Variants in STK32B observed in about 807,000 individuals in gnomAD.
STK32B encodes the protein serine/threonine-protein kinase 32B.
Under a neutral mutation model 52.6 loss-of-function variants are expected in STK32B, and 43 were observed. That is an observed-to-expected ratio of 0.82 (90% CI 0.64 to 1.05). The LOEUF (loss-of-function observed/expected upper bound fraction) is 1.05, where lower values mean the gene tolerates loss of function less well. Among genes scored for constraint, STK32B ranks in the 50% least tolerant of loss-of-function variants. STK32B has a pLI of 0.00. For missense variants in STK32B, 621 were observed against 534.6 expected (o/e 1.16, Z -1.59); for synonymous variants, 238 against 204.3 (o/e 1.17, Z -1.41).
intron 3 of STK32B, among the ~76,000 whole-genome samples, chr4:5,173,311 T>A (rs1324736749): frequency 1.3e-5 from 2 of 152,224 alleles, no homozygotes; most frequent in Non-Finnish European, 2.9e-5. Context: ...CCTTCAGTTC[T>A]GCTCTGATCT....
intron 3 of STK32B, among the ~76,000 whole-genome samples, chr4:5,280,033 C>T (rs1206242663): frequency 1.3e-5 from 2 of 152,192 alleles, no homozygotes. Context: ...TCCTCATTAT[C>T]TTGGCTAGGA....
intron 4 of STK32B, among the ~76,000 whole-genome samples, chr4:5,362,897 C>T (rs1734639928): frequency 1.3e-5 from 2 of 152,178 alleles, no homozygotes; most frequent in South Asian, 4.1e-4. Context: ...TTCATCAATT[C>T]AACCTCCATA....
At chr4:5,357,277 A>G (rs558476784) in intron 4 of STK32B, among the ~76,000 whole-genome samples, 52 of 149,764 alleles carry the variant, frequency 3.5e-4, no homozygotes, top group African/African-American at 1.3e-3. Flanking sequence ...TAGACAGCGC[A>G]GTAGAAACTA....
At chr4:5,376,918 G>A (rs1352784130) in intron 4 of STK32B, among the ~76,000 whole-genome samples, 1 of 151,994 alleles carries the variant, frequency 6.6e-6, no homozygotes, top group Non-Finnish European at 1.5e-5. Flanking sequence ...CTGTTTGATG[G>A]TGCCCTGCAG....
intron 3 of STK32B, among the ~76,000 whole-genome samples, chr4:5,296,548 G>T (rs1729212662): frequency 6.6e-6 from 1 of 152,052 alleles, no homozygotes; most frequent in Non-Finnish European, 1.5e-5. Context: ...ATCTTTGTTG[G>T]TTTACAGACT....
chr4:5,172,917 C>T (rs776879918), intron 3 of STK32B, among the ~76,000 whole-genome samples: 15 of 152,072 alleles, frequency 9.9e-5, no homozygotes, highest in African/African-American at 3.1e-4. Flanking sequence ...TAGTAGAATT[C>T]GGCTGTGAAT....
intron 6 of STK32B, chr4:5,438,107 C>G (rs771809947): frequency 1.1e-5 from 11 of 985,580 alleles, no homozygotes; most frequent in Non-Finnish European, 1.3e-5. Context: ...TCGGCACACA[C>G]AGCCATTCTG....
At chr4:5,218,804 C>T (rs1474139646) in intron 3 of STK32B, among the ~76,000 whole-genome samples, 4 of 152,194 alleles carry the variant, frequency 2.6e-5, no homozygotes, top group Non-Finnish European at 5.9e-5. Context: ...CAAGTGTTCT[C>T]CTGCTTTTGG....
chr4:5,106,423 G>C (rs1714110858), intron 1 of STK32B, among the ~76,000 whole-genome samples: 1 of 152,142 alleles, frequency 6.6e-6, no homozygotes, highest in Admixed American at 6.5e-5. Context: ...CTATTACCAT[G>C]TTAAAGAACT....
intron 1 of STK32B, among the ~76,000 whole-genome samples, chr4:5,082,653 GC>G (rs927734125): frequency 2.6e-5 from 4 of 151,918 alleles, no homozygotes; most frequent in African/African-American, 9.7e-5. Context: ...GGCATTGTCT[GC>G]CCAGGTTCTT....
intron 3 of STK32B, among the ~76,000 whole-genome samples, chr4:5,288,204 T>C (rs1728671336): frequency 6.6e-6 from 1 of 152,218 alleles, no homozygotes. Flanking sequence ...TGGGAATATT[T>C]GGTCCAGGTT....
chr4:5,310,862 A>G (rs1180970873), intron 3 of STK32B, among the ~76,000 whole-genome samples: 1 of 152,220 alleles, frequency 6.6e-6, no homozygotes, highest in Non-Finnish European at 1.5e-5. Context: ...TTTAGCCATA[A>G]AAAATGAAAT....
intron 5 of STK32B, among the ~76,000 whole-genome samples, chr4:5,413,110 A>C (rs1711845583): frequency 6.6e-6 from 1 of 152,132 alleles, no homozygotes; most frequent in South Asian, 2.1e-4. Flanking sequence ...TCTTTGCTCA[A>C]ATGTCATGTT....
intron 3 of STK32B, among the ~76,000 whole-genome samples, chr4:5,281,142 G>A (rs978242913): frequency 6.9e-6 from 1 of 145,148 alleles, no homozygotes; most frequent in Non-Finnish European, 1.5e-5. Context: ...TAACCAACCA[G>A]ATCTCATGAG....
chr4:5,285,651 G>A (rs1478028993), intron 3 of STK32B, among the ~76,000 whole-genome samples: 1 of 152,146 alleles, frequency 6.6e-6, no homozygotes, highest in Non-Finnish European at 1.5e-5. Flanking sequence ...AGGAAAAATT[G>A]CCAGAATTAC....
intron 3 of STK32B, among the ~76,000 whole-genome samples, chr4:5,236,364 A>G (rs998789514): frequency 2.6e-5 from 4 of 152,178 alleles, no homozygotes; most frequent in African/African-American, 7.2e-5. Flanking sequence ...TAAAAAACTT[A>G]AATACATACA....
intron 3 of STK32B, among the ~76,000 whole-genome samples, chr4:5,274,655 G>A (rs1290674409): frequency 6.6e-6 from 1 of 152,168 alleles, no homozygotes; most frequent in Admixed American, 6.5e-5. Flanking sequence ...ATAAACCCCG[G>A]CATTGGAGCT....
Position 5,483,309 on chromosome 4 carries a change from G to C in STK32B, c.1106+15239G>C, listed in dbSNP as rs577982714. Among the ~76,000 whole-genome samples, 221 of 151,774 alleles carry C rather than the reference G, an allele frequency of 1.5e-3. 1 individual carries two copies. Among genetic ancestry groups the C allele is most frequent in the African/African-American group, 5.1e-3 (208 of 41,062 alleles). On this transcript the variant is annotated intron_variant, in intron 11 of 11. Coordinates refer to ENST00000282908, the MANE Select transcript of STK32B (RefSeq NM_018401.3). ...AGAGATTCAACTTCTTCCTGGTTTA[G>C]TCTTGGGAGAGTGTATGTGTCCAGG...
intron 7 of STK32B, among the ~76,000 whole-genome samples, chr4:5,448,750 G>A (rs527276170): frequency 6.6e-6 from 1 of 152,312 alleles, no homozygotes; most frequent in East Asian, 1.9e-4. Context: ...TGGAGACAAA[G>A]TAATGGAATG....
Sources: gnomAD v4.1 joint callset for allele counts (sites outside exome capture counted in the v4.1 genomes callset) on GRCh38, gnomAD v4.1.1 for gene constraint, MANE v1.5 for transcripts, NCBI Gene and HGNC (gene_info 2026-07-23, HGNC 2026-07-21) for gene names.